Variants in INTS2 observed in about 807,000 individuals in gnomAD.
The protein encoded by INTS2 is integrator complex subunit 2, also known as KIAA1287.
A neutral mutation model predicts 139.6 loss-of-function variants in INTS2; 57 were observed. The observed-to-expected ratio is 0.41, with a 90% CI of 0.33 to 0.51. The LOEUF is 0.51. Ranked by LOEUF, INTS2 falls within the 20% of genes least tolerant of loss-of-function variation. The pLI, the probability that INTS2 is intolerant of heterozygous loss-of-function variation, is 0.28. For synonymous variants in INTS2, 473 were observed against 493.4 expected, an observed-to-expected ratio of 0.96 and a Z score of 0.55; for missense variants, 1,196 against 1,436.7, an observed-to-expected ratio of 0.83 and a Z score of 2.71.
intron 5 of INTS2, among the ~76,000 whole-genome samples, chr17:61,912,394 G>A (rs2079536502): frequency 8.3e-6 from 1 of 121,010 alleles, no homozygotes; most frequent in Non-Finnish European, 1.7e-5. Flanking sequence ...GGGGTGCGGG[G>A]CATGGATCAC....
rs1404478304 is a variant in INTS2 at position 61,866,099 on chromosome 17, TCACACCTGTAATCCCAG to T, written c.*1441_*1457del. 1 of 152,266 alleles carries T rather than the reference TCACACCTGTAATCCCAG, an allele frequency of 6.6e-6. No individual in the cohort carries two copies. The highest frequency in any genetic ancestry group is 1.5e-5 in the Non-Finnish European group (1 of 68,116). The allele number at this position is 152,266 out of a possible 1,614,324, so 9.4% of individuals were successfully genotyped here. A position where few individuals can be genotyped will look rare whatever the true frequency, so the allele number is the denominator to read the frequency against. On this transcript the variant is annotated 3_prime_UTR_variant, in exon 25 of 25. Transcript: ENST00000251334. The stretch of plus-strand genomic sequence containing the variant: ...AAGCGGTCTGGCCAGGTGCGGTGGC[TCACACCTGTAATCCCAG>T]CACTTTGGGAGGCCAAGGTGGGCAG...
chr17:61,923,161 A>AT (rs941834855), intron 3 of INTS2, among the ~76,000 whole-genome samples: 4 of 151,870 alleles, frequency 2.6e-5, no homozygotes, highest in African/African-American at 9.7e-5. Flanking sequence ...TTTTAGAAAA[A>AT]TTTTTTAACA....
rs2079053046 is a variant in INTS2 at position 61,867,282 on chromosome 17, A to G, written c.*275T>C. The stretch of plus-strand genomic sequence containing the variant: ...AATACAAGGCCAAATTCCCTTTCCA[A>G]TAATGAGTTTCTTACATGTGTTCCC... On this transcript the variant is annotated 3_prime_UTR_variant, in exon 25 of 25. Coordinates refer to ENST00000251334, the MANE Select transcript of INTS2 (RefSeq NM_001351695.2). This position sits in a 1 kb window ranked among gnomAD's most constrained non-coding sequence, Gnocchi z 5.6. 4.7e-6 allele frequency: 1 copy of G among 212,580 alleles called. No homozygotes were observed. The highest frequency in any genetic ancestry group is 1.7e-4 in the South Asian group (1 of 5,838). 13.2% of individuals were successfully genotyped at this position (212,580 alleles called of 1,614,324 possible).
chr17:61,898,908 C>T (rs2079376659), intron 9 of INTS2, among the ~76,000 whole-genome samples: 1 of 152,180 alleles, frequency 6.6e-6, no homozygotes, highest in Non-Finnish European at 1.5e-5. Context: ...GCCACCACAC[C>T]CGGTCTAAAT....
At chr17:61,926,033 G>GA (rs142013516) in intron 2 of INTS2, among the ~76,000 whole-genome samples, 72 of 143,626 alleles carry the variant, frequency 5.0e-4, no homozygotes, top group Admixed American at 7.0e-4. Context: ...TCTCAAAAAA[G>GA]AAAAAAAAAA....
At chr17:61,883,407 G>T (rs1199247389) in intron 16 of INTS2, among the ~76,000 whole-genome samples, 1 of 150,736 alleles carries the variant, frequency 6.6e-6, no homozygotes, top group East Asian at 1.9e-4. Flanking sequence ...CAGACATCCG[G>T]TTAACGATGA....
chr17:61,907,412 G>A lies in INTS2; in HGVS notation c.1177C>T (p.Leu393Phe), dbSNP rs2079476465. ...AAATATCAAACTATTGAATACTTGA[G>A]TCCAGCGATCCCCATCAAAGCACAG... ...LYCALMGIAG[L>F]KPTEEEAEQL... is the part of the protein sequence containing the mutation. The change falls in exon 8 of 25, where the codon CTC (leucine) becomes TTC (phenylalanine). Residue 393 changes from leucine (L) to phenylalanine (F), a missense_variant. Physicochemically the swap from Leu to Phe is conservative, Grantham distance 22. Coordinates refer to ENST00000251334, the MANE Select transcript of INTS2 (RefSeq NM_001351695.2). 6.3e-7 allele frequency: 1 copy of A among 1,577,544 alleles called. No homozygotes were observed. The highest frequency in any genetic ancestry group is 8.6e-7 in the Non-Finnish European group (1 of 1,160,516).
chr17:61,874,557 G>A (rs544429761), intron 19 of INTS2, among the ~76,000 whole-genome samples: 8 of 152,102 alleles, frequency 5.3e-5, no homozygotes, highest in Non-Finnish European at 8.8e-5. Flanking sequence ...CAGTTTTAAC[G>A]CAGGTAACGG....
At chr17:61,912,131 A>G in intron 5 of INTS2, 61 bp from the exon 6 acceptor site, 2 of 1,547,574 alleles carry the variant, frequency 1.3e-6, no homozygotes, top group Middle Eastern at 1.7e-4. Context: ...AAGATTTCAC[A>G]TGACAGAAGA....
At chr17:61,907,251 T>C (rs1313846888) in intron 8 of INTS2, among the ~76,000 whole-genome samples, 157 bp downstream of exon 8, 4 of 152,360 alleles carry the variant, frequency 2.6e-5, no homozygotes, top group South Asian at 4.1e-4. Flanking sequence ...CTAGAAATTC[T>C]TGGCCTTAGG....
At position 61,871,940 on chromosome 17, in the gene INTS2, CA is replaced by C. The variant is rs369271565; in HGVS notation, c.2778+324del. The stretch of plus-strand genomic sequence containing the variant: ...CAGGGCGAAACTCTGTCTCAAAAAA[CA>C]AAAAAAACAAAAAAAATGTGCCGAA... On this transcript the variant is annotated intron_variant, in intron 20 of 24. Transcript: ENST00000251334. The surrounding 1 kb of genome is among the most constrained non-coding windows in gnomAD (Gnocchi z 4.9). 2.9e-5 allele frequency: 5 copies of C among 169,606 alleles called. No homozygotes were observed. The highest frequency in any genetic ancestry group is 5.0e-5 in the Non-Finnish European group (4 of 80,586). The allele number at this position is 169,606 out of a possible 1,614,324, so 10.5% of individuals were successfully genotyped here.
intron 18 of INTS2, among the ~76,000 whole-genome samples, 155 bp downstream of exon 18, chr17:61,877,732 C>T (rs995170838): frequency 4.6e-5 from 7 of 152,152 alleles, no homozygotes; most frequent in Non-Finnish European, 1.0e-4. Flanking sequence ...GATATAACAA[C>T]TATTTAGTAG....
chr17:61,910,852 G>A (rs1224727539), intron 7 of INTS2: 1 of 152,034 alleles, frequency 6.6e-6, no homozygotes, highest in African/African-American at 2.4e-5. Flanking sequence ...CAGGGGGTCT[G>A]GAAAGGTGTT....
At chr17:61,901,614 T>C (rs1033306760) in intron 9 of INTS2, among the ~76,000 whole-genome samples, 5 of 111,104 alleles carry the variant, frequency 4.5e-5, no homozygotes, top group Non-Finnish European at 7.7e-5. Context: ...TTTTTTTTTT[T>C]TCTGAGATGC....
At position 61,912,049 on chromosome 17, in the gene INTS2, T is replaced by C; in HGVS notation, c.671A>G (p.Asn224Ser). ...ACTTTCTTCATCTTGTCGTTCTCCA[T>C]TTTTTATCAGGCCCCTACAAACTAA... ...FNEVCRGLIK[N>S]GERQDEESLG... The change falls in exon 6 of 25, where the codon AAT (asparagine) becomes AGT (serine). Residue 224 changes from asparagine to serine, a missense_variant. By Grantham distance (46) the Asn-to-Ser change is conservative. Coordinates refer to ENST00000251334, the MANE Select transcript of INTS2 (RefSeq NM_001351695.2). The C allele has an allele frequency of 6.2e-7, 1 of 1,613,342 alleles. No individual in the cohort carries two copies. The highest frequency in any genetic ancestry group is 8.5e-7 in the Non-Finnish European group (1 of 1,179,514).
At chr17:61,889,380 A>ACTGGCCTT (rs1419655375) in intron 15 of INTS2, among the ~76,000 whole-genome samples, 1 of 152,018 alleles carries the variant, frequency 6.6e-6, no homozygotes, top group African/African-American at 2.4e-5. Flanking sequence ...AGCCACCTCG[A>ACTGGCCTT]CTGGCCTTTT....
chr17:61,895,293 A>G (rs772366131), intron 12 of INTS2, 22 bp downstream of exon 12: 1 of 1,399,374 alleles, frequency 7.1e-7, no homozygotes, highest in Admixed American at 2.2e-5. Context: ...TTAAATAAGT[A>G]CCTAAGAATA....
At chr17:61,900,081 T>C (rs2079389509) in intron 9 of INTS2, among the ~76,000 whole-genome samples, 1 of 152,152 alleles carries the variant, frequency 6.6e-6, no homozygotes, top group Non-Finnish European at 1.5e-5. Context: ...ACGCATAAGA[T>C]ATTGAGGAGG....
At chr17:61,890,251 A>G (rs546752395) in intron 14 of INTS2, among the ~76,000 whole-genome samples, 1 of 152,330 alleles carries the variant, frequency 6.6e-6, no homozygotes, top group South Asian at 2.1e-4. Flanking sequence ...ATACTTAAAT[A>G]TATTTGTGAA....
Sources: gnomAD v4.1 joint callset for allele counts (sites outside exome capture counted in the v4.1 genomes callset) on GRCh38, gnomAD v4.1.1 for gene constraint, Gnocchi (gnomAD v3.1) non-coding constraint, MANE v1.5 for transcripts, NCBI Gene and HGNC (gene_info 2026-07-23, HGNC 2026-07-21) for gene names.